The following UNC5C variants were observed in gnomAD, a reference collection of about 807,000 sequenced individuals.
The protein encoded by UNC5C is unc-5 netrin receptor C, also known as netrin receptor UNC5C.
Under a neutral mutation model 99.8 loss-of-function variants are expected in UNC5C, and 47 were observed. The observed-to-expected ratio is 0.47, with a 90% CI of 0.37 to 0.60. The LOEUF is 0.60. Among genes scored for constraint, UNC5C ranks in the 20% least tolerant of loss-of-function variants. The probability of loss-of-function intolerance (pLI) is 0.00; values close to 1 mark genes in which losing one functional copy is unlikely to be tolerated. For missense variants in UNC5C, 1,062 were observed against 1,165.9 expected (o/e 0.91, Z 1.30); for synonymous variants, 487 against 452.2 (o/e 1.08, Z -0.98).
intron 7 of UNC5C, among the ~76,000 whole-genome samples, chr4:95,239,322 A>C (rs1049492333): frequency 2.0e-5 from 3 of 152,148 alleles, no homozygotes; most frequent in Non-Finnish European, 4.4e-5. Flanking sequence ...ATTTAAATGA[A>C]GTCTTCATTT....
At chr4:95,455,238 T>C (rs1359467079) in intron 1 of UNC5C, among the ~76,000 whole-genome samples, 1 of 152,106 alleles carries the variant, frequency 6.6e-6, no homozygotes, top group Non-Finnish European at 1.5e-5. Flanking sequence ...GTTTGGGCAA[T>C]AAACTTCAGG....
intron 1 of UNC5C, among the ~76,000 whole-genome samples, chr4:95,470,532 G>A (rs994742226): frequency 6.6e-6 from 1 of 152,050 alleles, no homozygotes; most frequent in Non-Finnish European, 1.5e-5. Flanking sequence ...ACCTTGAGTA[G>A]CTCTAGTGTT....
chr4:95,169,807 A>T (rs1464395326), intron 15 of UNC5C, among the ~76,000 whole-genome samples: 1 of 152,224 alleles, frequency 6.6e-6, no homozygotes, highest in Admixed American at 6.5e-5. Flanking sequence ...CTGTGTTGGC[A>T]TGCTAATTAT....
At position 95,234,283 on chromosome 4, in the gene UNC5C, A is replaced by G. The variant is rs187005582; in HGVS notation, c.1108+8146T>C. Among the ~76,000 whole-genome samples the G allele has an allele frequency of 6.0e-3, 914 of 152,322 alleles. 12 individuals are homozygous for G. Among genetic ancestry groups the G allele is most frequent in the African/African-American group, 0.021 (870 of 41,576 alleles). On this transcript the variant is annotated intron_variant, in intron 7 of 15. Coordinates refer to ENST00000453304, the MANE Select transcript of UNC5C (RefSeq NM_003728.4). The stretch of plus-strand genomic sequence containing the variant: ...CCAATACTGATTCTGTAGTATTATT[A>G]AGTAAAAACTGATATTTGTTATTAA...
At chr4:95,527,010 T>C (rs190588942) in intron 1 of UNC5C, among the ~76,000 whole-genome samples, 90 of 152,228 alleles carry the variant, frequency 5.9e-4, no homozygotes, top group African/African-American at 1.9e-3. Context: ...GTATGATAGC[T>C]TTTTAGGATA....
chr4:95,358,044 T>C (rs1744269879), intron 1 of UNC5C, among the ~76,000 whole-genome samples: 1 of 152,164 alleles, frequency 6.6e-6, no homozygotes, highest in Non-Finnish European at 1.5e-5. Context: ...TGCCAACTGC[T>C]GACCTACTAT....
chr4:95,292,096 T>A (rs1283664851), intron 3 of UNC5C, among the ~76,000 whole-genome samples: 2 of 151,302 alleles, frequency 1.3e-5, no homozygotes, highest in South Asian at 2.1e-4. Context: ...CCAAGTAGAG[T>A]AGACAGGTAG....
chr4:95,365,347 C>A (rs1208149557), intron 1 of UNC5C, among the ~76,000 whole-genome samples: 4 of 140,834 alleles, frequency 2.8e-5, no homozygotes, highest in Admixed American at 7.0e-5. Context: ...CAACATAATA[C>A]AATAAAAAAT....
chr4:95,487,040 C>G (rs1399656513), intron 1 of UNC5C, among the ~76,000 whole-genome samples: 6 of 151,704 alleles, frequency 4.0e-5, no homozygotes, highest in African/African-American at 1.5e-4. Flanking sequence ...AATGATGCAG[C>G]AAGAAGGCCC....
At position 95,168,604 on chromosome 4, in the gene UNC5C, A is replaced by G. The variant is rs1404756468; in HGVS notation, c.*630T>C. 6.6e-6 allele frequency: 1 copy of G among 152,584 alleles called. No individual in the cohort carries two copies. The highest frequency in any genetic ancestry group is 6.5e-5 in the Admixed American group (1 of 15,272). 9.5% of individuals were successfully genotyped at this position (152,584 alleles called of 1,614,324 possible). A position where few individuals can be genotyped will look rare whatever the true frequency, so the allele number is the denominator to read the frequency against. Reference sequence around the variant, plus strand: ...CCTCCAAGGAATAGGAGTCTTAGTTATTTCTTTTTTACACTTAGATTCTCC... The same window carrying G: ...CCTCCAAGGAATAGGAGTCTTAGTTGTTTCTTTTTTACACTTAGATTCTCC... On this transcript the variant is annotated 3_prime_UTR_variant, in exon 16 of 16. Coordinates refer to ENST00000453304, the MANE Select transcript of UNC5C (RefSeq NM_003728.4).
chr4:95,196,040 G>GTT (rs1737367590), intron 12 of UNC5C, among the ~76,000 whole-genome samples: 1 of 152,132 alleles, frequency 6.6e-6, no homozygotes, highest in South Asian at 2.1e-4. Flanking sequence ...GAATCTCAGA[G>GTT]TTTAGTATAA....
At chr4:95,428,829 A>G (rs1316168330) in intron 1 of UNC5C, among the ~76,000 whole-genome samples, 2 of 152,124 alleles carry the variant, frequency 1.3e-5, no homozygotes, top group Non-Finnish European at 1.5e-5. Context: ...AAGTGGGCAA[A>G]CCCAGCAATT....
intron 3 of UNC5C, among the ~76,000 whole-genome samples, chr4:95,291,496 A>T (rs1444848363): frequency 6.6e-6 from 1 of 152,196 alleles, no homozygotes; most frequent in Non-Finnish European, 1.5e-5. Context: ...ACATACGTAT[A>T]GATGATTTCC....
intron 1 of UNC5C, among the ~76,000 whole-genome samples, chr4:95,485,850 T>C (rs775801354): frequency 1.3e-5 from 2 of 151,738 alleles, no homozygotes; most frequent in Non-Finnish European, 2.9e-5. Context: ...GTCACTTTTA[T>C]GAGTATTAAT....
intron 1 of UNC5C, among the ~76,000 whole-genome samples, chr4:95,525,821 T>A (rs1428435676): frequency 1.3e-5 from 2 of 151,898 alleles, no homozygotes; most frequent in African/African-American, 4.8e-5. Context: ...GAATGGGAGG[T>A]AAGGGGGCTA....
intron 1 of UNC5C, among the ~76,000 whole-genome samples, chr4:95,361,235 C>T (rs549743443): frequency 6.6e-6 from 1 of 152,284 alleles, no homozygotes; most frequent in African/African-American, 2.4e-5. Flanking sequence ...CCTGCAGGGA[C>T]TATTTTATCC....
Position 95,404,584 on chromosome 4 carries a change from G to T in UNC5C, c.125-68953C>A, listed in dbSNP as rs375443974. 3.3e-5 allele frequency among the ~76,000 whole-genome samples: 5 copies of T among 152,204 alleles called. No individual in the cohort carries two copies. In the South Asian group the frequency reaches 8.3e-4, roughly 25 times the overall value. On this transcript the variant is annotated intron_variant, in intron 1 of 15. Transcript: ENST00000453304. Reference sequence around the variant, plus strand: ...TTTCTCATTTATTAAATGAGTGTTGGCAGGGAGAATTCATCTTAATGATCT... The same window carrying T: ...TTTCTCATTTATTAAATGAGTGTTGTCAGGGAGAATTCATCTTAATGATCT...
chr4:95,266,546 T>C (rs1423549918), intron 4 of UNC5C, among the ~76,000 whole-genome samples: 1 of 152,230 alleles, frequency 6.6e-6, no homozygotes, highest in African/African-American at 2.4e-5. Flanking sequence ...GGAGCAACTT[T>C]TTATAGCTCC....
intron 2 of UNC5C, among the ~76,000 whole-genome samples, chr4:95,332,490 C>A (rs1342246891): frequency 2.7e-5 from 4 of 150,510 alleles, no homozygotes; most frequent in African/African-American, 9.7e-5. Context: ...CTATTTAATA[C>A]GTGGTGCTGG....
Sources: allele counts gnomAD v4.1 joint callset (sites outside exome capture counted in the v4.1 genomes callset), GRCh38; gene constraint gnomAD v4.1.1; transcripts MANE v1.5; gene names NCBI Gene and HGNC (gene_info 2026-07-23, HGNC 2026-07-21).